The following CCDC102B variants were observed in gnomAD, a reference collection of about 807,000 sequenced individuals.
The protein encoded by CCDC102B is coiled-coil domain-containing protein 102B.
Under a neutral mutation model 57.4 loss-of-function variants are expected in CCDC102B, and 75 were observed. The ratio of observed to expected loss-of-function variants is 1.31; its 90% CI spans 1.08 to 1.58. CCDC102B has a LOEUF of 1.58. CCDC102B is among the 40% of genes most tolerant of loss of function. The pLI is 0.00. For synonymous variants in CCDC102B, 206 were observed against 201.9 expected (o/e 1.02, Z -0.17); for missense variants, 636 against 582.6 (o/e 1.09, Z -0.94).
intron 6 of CCDC102B, among the ~76,000 whole-genome samples, chr18:68,918,842 TA>T (rs768265010): frequency 6.6e-6 from 1 of 152,128 alleles, no homozygotes; most frequent in Non-Finnish European, 1.5e-5. Context: ...TAAAGAAAAA[TA>T]GTTTATTAAA....
intron 2 of CCDC102B, chr18:68,721,580 C>T (rs1021432922): frequency 6.6e-6 from 1 of 151,974 alleles, no homozygotes; most frequent in Non-Finnish European, 1.5e-5. Context: ...AAAAATATGA[C>T]TTAAGCATTA....
chr18:68,857,038 T>G, intron 4 of CCDC102B, among the ~76,000 whole-genome samples: 1 of 128,042 alleles, frequency 7.8e-6, no homozygotes, highest in South Asian at 2.2e-4. Flanking sequence ...TATATTTATA[T>G]ATAATATATA....
At chr18:68,904,696 C>T (rs1316974800) in intron 6 of CCDC102B, among the ~76,000 whole-genome samples, 2 of 152,260 alleles carry the variant, frequency 1.3e-5, no homozygotes, top group East Asian at 3.9e-4. Context: ...CATGCACACA[C>T]ACACACACAC....
intron 7 of CCDC102B, among the ~76,000 whole-genome samples, chr18:69,026,021 T>C (rs1013017630): frequency 3.3e-5 from 5 of 152,114 alleles, no homozygotes; most frequent in Admixed American, 3.3e-4. Context: ...TTCTTGAAGT[T>C]TGTGCACAAT....
chr18:68,874,417 G>A (rs1343997030), intron 4 of CCDC102B, among the ~76,000 whole-genome samples: 1 of 151,714 alleles, frequency 6.6e-6, no homozygotes, highest in African/African-American at 2.4e-5. Flanking sequence ...ACTGAGTTAT[G>A]CCTATTTTTC....
intron 6 of CCDC102B, among the ~76,000 whole-genome samples, chr18:68,995,727 G>T (rs1012623797): frequency 6.6e-6 from 1 of 152,276 alleles, no homozygotes; most frequent in East Asian, 1.9e-4. Context: ...CAGTGCAGAA[G>T]AAAAATGTGG....
At chr18:68,802,057 G>A (rs1229807182) in intron 1 of CCDC102B, among the ~76,000 whole-genome samples, 3 of 152,108 alleles carry the variant, frequency 2.0e-5, no homozygotes, top group Non-Finnish European at 4.4e-5. Context: ...ATAACATTTG[G>A]TAGCACAGGA....
intron 6 of CCDC102B, among the ~76,000 whole-genome samples, chr18:68,913,484 T>C (rs1214093811): frequency 6.6e-6 from 1 of 151,806 alleles, no homozygotes; most frequent in Non-Finnish European, 1.5e-5. Flanking sequence ...CTGTCTCTAC[T>C]AAAAACACAC....
intron 5 of CCDC102B, among the ~76,000 whole-genome samples, chr18:68,895,408 A>T (rs2040208154): frequency 6.6e-6 from 1 of 151,806 alleles, no homozygotes; most frequent in African/African-American, 2.4e-5. Context: ...ATAATTTATT[A>T]TGATACTATA....
chr18:68,955,315 A>C (rs2049814336), intron 6 of CCDC102B, among the ~76,000 whole-genome samples: 1 of 152,164 alleles, frequency 6.6e-6, no homozygotes, highest in African/African-American at 2.4e-5. Context: ...ATTACTTTCT[A>C]TATGCATGCT....
At chr18:68,786,892 C>A (rs1181693293) in intron 2 of CCDC102B, among the ~76,000 whole-genome samples, 4 of 152,324 alleles carry the variant, frequency 2.6e-5, no homozygotes, top group African/African-American at 4.8e-5. Context: ...GAGAGAGCAT[C>A]CCTGTCTTGT....
At chr18:68,917,022 G>C (rs1476930491) in intron 6 of CCDC102B, among the ~76,000 whole-genome samples, 1 of 152,188 alleles carries the variant, frequency 6.6e-6, no homozygotes, top group East Asian at 1.9e-4. Flanking sequence ...GACACAATCA[G>C]ACAGGGATTT....
intron 2 of CCDC102B, among the ~76,000 whole-genome samples, chr18:68,769,816 T>C (rs1276794272): frequency 6.6e-6 from 1 of 152,222 alleles, no homozygotes; most frequent in Non-Finnish European, 1.5e-5. Flanking sequence ...TGGGAACAGA[T>C]TATGTTGATC....
intron 6 of CCDC102B, among the ~76,000 whole-genome samples, chr18:68,906,564 A>G (rs1363380335): frequency 6.6e-6 from 1 of 151,448 alleles, no homozygotes; most frequent in Non-Finnish European, 1.5e-5. Flanking sequence ...TCTCATTGTG[A>G]TTTTCCTTTG....
At chr18:68,801,645 G>C (rs1200424635) in intron 1 of CCDC102B, among the ~76,000 whole-genome samples, 1 of 152,012 alleles carries the variant, frequency 6.6e-6, no homozygotes, top group East Asian at 1.9e-4. Context: ...TAGAATTAAA[G>C]TTTCCAAAAA....
intron 4 of CCDC102B, 151 bp downstream of exon 4, chr18:68,846,572 T>G: frequency 2.2e-6 from 1 of 456,234 alleles, no homozygotes; most frequent in Non-Finnish European, 3.9e-6. Flanking sequence ...TGAAATCACT[T>G]GTCAATAGTG....
chr18:68,938,464 A>G (rs576367649), intron 6 of CCDC102B, among the ~76,000 whole-genome samples: 4 of 152,078 alleles, frequency 2.6e-5, no homozygotes, highest in Admixed American at 1.3e-4. Context: ...TGTCATATCT[A>G]GACAATTGTA....
upstream of CCDC102B, among the ~76,000 whole-genome samples, chr18:68,795,745 A>G (rs577412235): frequency 2.8e-4 from 43 of 152,298 alleles, no homozygotes; most frequent in Non-Finnish European, 5.4e-4. Context: ...GTATTTCCAA[A>G]TAATCATCTT....
At chr18:68,728,858 A>T (rs1447291989) in intron 2 of CCDC102B, among the ~76,000 whole-genome samples, 1 of 152,144 alleles carries the variant, frequency 6.6e-6, no homozygotes, top group African/African-American at 2.4e-5. Context: ...TAGTAAAAGA[A>T]AAAAGAGAAA....
Sources: gnomAD v4.1 joint callset for allele counts (sites outside exome capture counted in the v4.1 genomes callset) on GRCh38, gnomAD v4.1.1 for gene constraint, MANE v1.5 for transcripts, NCBI Gene and HGNC (gene_info 2026-07-23, HGNC 2026-07-21) for gene names.